CTXND2: variants seen among roughly 807,000 people sequenced by gnomAD.
CTXND2 encodes the protein cortexin domain containing 2.
Position 150,904,266 on chromosome 1 carries a change from T to C in CTXND2, c.-73-7976T>C, listed in dbSNP as rs1445853950. On this transcript the variant is annotated intron_variant, in intron 1 of 1. Coordinates refer to ENST00000636087, the Ensembl canonical transcript of CTXND2. Reference sequence around the variant, plus strand: ...AAACAAATGTCTCATGAATTTTTCATGTGTACCATACTTTAACAGAGCTTA... The same window carrying C: ...AAACAAATGTCTCATGAATTTTTCACGTGTACCATACTTTAACAGAGCTTA... The C allele has an allele frequency of 1.8e-5, 9 of 510,146 alleles. No homozygotes were observed. The East Asian group carries it at 3.4e-4, about 19-fold the overall frequency. 31.6% of individuals were successfully genotyped at this position (510,146 alleles called of 1,614,324 possible).
intron 1 of CTXND2, among the ~76,000 whole-genome samples, chr1:150,901,298 ATTG>A (rs751621677): frequency 6.6e-6 from 1 of 152,234 alleles, no homozygotes; most frequent in African/African-American, 2.4e-5. Context: ...AAGACTTAAC[ATTG>A]TTAAGATGCC....
intron 1 of CTXND2, among the ~76,000 whole-genome samples, chr1:150,893,312 A>AT (rs959801132): frequency 2.0e-5 from 3 of 151,596 alleles, no homozygotes; most frequent in Non-Finnish European, 4.4e-5. Context: ...TTTTCAATCC[A>AT]TTTTTTTTCA....
chr1:150,907,733 G>A (rs1314410510), intron 1 of CTXND2, among the ~76,000 whole-genome samples: 10 of 137,132 alleles, frequency 7.3e-5, no homozygotes, highest in Admixed American at 5.6e-4. Flanking sequence ...TTTTTGAGAC[G>A]GAGTCTCGCA....
Position 150,895,491 on chromosome 1 carries a change from G to A in CTXND2, c.-74+8178G>A, listed in dbSNP as rs141645239. Reference sequence around the variant, plus strand: ...CCCAATTATCTGGAATTATAGGTGCGCACCACTACGCCCAGCTAATTTTTG... The same window carrying A: ...CCCAATTATCTGGAATTATAGGTGCACACCACTACGCCCAGCTAATTTTTG... On this transcript the variant is annotated intron_variant, in intron 1 of 1. Coordinates refer to ENST00000636087, the Ensembl canonical transcript of CTXND2. Among the ~76,000 whole-genome samples the A allele has an allele frequency of 2.5e-4, 38 of 152,000 alleles. 1 individual carries two copies. The East Asian group carries it at 5.2e-3, about 21-fold the overall frequency.
At chr1:150,901,070 C>T (rs753642094) in intron 1 of CTXND2, among the ~76,000 whole-genome samples, 2 of 152,110 alleles carry the variant, frequency 1.3e-5, no homozygotes, top group Non-Finnish European at 2.9e-5. Context: ...CACGATCATG[C>T]CACTGCACTC....
intron 1 of CTXND2, among the ~76,000 whole-genome samples, chr1:150,900,645 C>T (rs1669000518): frequency 7.4e-6 from 1 of 134,378 alleles, no homozygotes; most frequent in Admixed American, 8.4e-5. Context: ...AAGACTTTCT[C>T]AAAAAACAAA....
chr1:150,888,271 T>C (rs1043167728), intron 1 of CTXND2, among the ~76,000 whole-genome samples: 3 of 151,226 alleles, frequency 2.0e-5, no homozygotes, highest in African/African-American at 7.3e-5. Context: ...TGGAGTGCAG[T>C]GGCGCGATCT....
At chr1:150,908,875 CAT>C (rs1323943967) in intron 1 of CTXND2, among the ~76,000 whole-genome samples, 1 of 151,964 alleles carries the variant, frequency 6.6e-6, no homozygotes, top group Non-Finnish European at 1.5e-5. Flanking sequence ...CCTCCCACCT[CAT>C]CCTCCCAAAG....
intron 1 of CTXND2, among the ~76,000 whole-genome samples, chr1:150,893,033 G>A (rs587656562): frequency 6.6e-5 from 10 of 152,210 alleles, no homozygotes; most frequent in South Asian, 4.2e-4. Context: ...GTTCTTTAAC[G>A]ACTATCAGTA....
At chr1:150,894,828 G>A (rs1256819837) in intron 1 of CTXND2, among the ~76,000 whole-genome samples, 1 of 152,062 alleles carries the variant, frequency 6.6e-6, no homozygotes, top group Non-Finnish European at 1.5e-5. Context: ...CTGAGGTCAG[G>A]AGTTTGAGAC....
At chr1:150,887,586 A>C (rs1156931792) in intron 1 of CTXND2, among the ~76,000 whole-genome samples, 1 of 152,136 alleles carries the variant, frequency 6.6e-6, no homozygotes, top group Non-Finnish European at 1.5e-5. Flanking sequence ...CGAAAAGTTA[A>C]ACTTTCATCT....
chr1:150,889,695 A>G (rs1668823660), intron 1 of CTXND2, among the ~76,000 whole-genome samples: 1 of 151,668 alleles, frequency 6.6e-6, no homozygotes, highest in South Asian at 2.1e-4. Context: ...CTTTTTACGC[A>G]CTCTTGCCAG....
At chr1:150,899,082 A>G (rs1019314984) in intron 1 of CTXND2, among the ~76,000 whole-genome samples, 1 of 150,790 alleles carries the variant, frequency 6.6e-6, no homozygotes, top group Non-Finnish European at 1.5e-5. Flanking sequence ...TGGGCGACAG[A>G]GCAAGACTCC....
At chr1:150,897,177 C>G (rs1444949739) in intron 1 of CTXND2, among the ~76,000 whole-genome samples, 1 of 152,102 alleles carries the variant, frequency 6.6e-6, no homozygotes, top group Non-Finnish European at 1.5e-5. Context: ...GATGACTGAT[C>G]AATTTGCATT....
At chr1:150,907,259 T>C (rs1669164386) in intron 1 of CTXND2, among the ~76,000 whole-genome samples, 1 of 152,190 alleles carries the variant, frequency 6.6e-6, no homozygotes, top group East Asian at 1.9e-4. Flanking sequence ...CAGAAATGTT[T>C]TACCATTACC....
chr1:150,910,185 A>G (rs1244640193), intron 1 of CTXND2, among the ~76,000 whole-genome samples: 1 of 134,200 alleles, frequency 7.5e-6, no homozygotes, highest in Non-Finnish European at 1.5e-5. Flanking sequence ...GCTGGAGTGC[A>G]GTGGCATGAT....
At chr1:150,900,695 A>T (rs933223499) in intron 1 of CTXND2, among the ~76,000 whole-genome samples, 1 of 152,172 alleles carries the variant, frequency 6.6e-6, no homozygotes, top group Non-Finnish European at 1.5e-5. Flanking sequence ...AAATATTTGC[A>T]ATATATATTA....
At chr1:150,900,308 C>T (rs1428855636) in intron 1 of CTXND2, among the ~76,000 whole-genome samples, 9 of 151,350 alleles carry the variant, frequency 5.9e-5, no homozygotes, top group Middle Eastern at 3.4e-3. Flanking sequence ...ACACTCACTG[C>T]GAAGGTCTGC....
Position 150,896,206 on chromosome 1 carries a change from A to G in CTXND2, c.-74+8893A>G, listed in dbSNP as rs587655481. On this transcript the variant is annotated intron_variant, in intron 1 of 1. Coordinates refer to ENST00000636087, the Ensembl canonical transcript of CTXND2. ...ATTCTTGATACCGTAAGGGAAGCCA[A>G]ACTGGGGATTAAATCAACATAGAAG... Among the ~76,000 whole-genome samples the G allele has an allele frequency of 7.9e-5, 12 of 152,322 alleles. No individual in the cohort carries two copies. The East Asian group carries it at 2.3e-3, about 29-fold the overall frequency.
Sources: gnomAD v4.1 joint callset for allele counts (sites outside exome capture counted in the v4.1 genomes callset) on GRCh38, gnomAD v4.1.1 for gene constraint, MANE v1.5 for transcripts, NCBI Gene and HGNC (gene_info 2026-07-23, HGNC 2026-07-21) for gene names.